CLSPN: variants seen among roughly 807,000 people sequenced by gnomAD.
CLSPN encodes the protein claspin homolog.
In CLSPN, 85 loss-of-function variants were observed where a neutral mutation model predicts 156.3. That is an observed-to-expected ratio of 0.54 (90% CI 0.46 to 0.65). The LOEUF (loss-of-function observed/expected upper bound fraction) is 0.65, where lower values mean the gene tolerates loss of function less well. CLSPN is among the 30% of genes least tolerant of loss of function. CLSPN has a pLI of 0.00. For synonymous variants in CLSPN, 534 were observed against 542.4 expected (o/e 0.98, Z 0.22); for missense variants, 1,407 against 1,554.9 (o/e 0.90, Z 1.60).
At position 35,738,142 on chromosome 1, in the gene CLSPN, A is replaced by T. The variant is rs555028326; in HGVS notation, c.3559-45T>A. ...TATATATATATATATATATATATAC[A>T]GCATTAAAAGTCTATAACCTTCCTA... On this transcript the variant is annotated intron_variant, in intron 21 of 24. Transcript: ENST00000318121. 22 of 721,514 alleles carry T rather than the reference A, an allele frequency of 3.0e-5. No individual in the cohort carries two copies. The African/African-American group carries it at 3.9e-4, about 13-fold the overall frequency. The allele number at this position is 721,514 out of a possible 1,614,324, so 44.7% of individuals were successfully genotyped here. A position where few individuals can be genotyped will look rare whatever the true frequency, so the allele number is the denominator to read the frequency against.
downstream of CLSPN, among the ~76,000 whole-genome samples, chr1:35,731,215 A>G (rs2148608890): frequency 6.7e-6 from 1 of 149,766 alleles, no homozygotes; most frequent in South Asian, 2.1e-4. Flanking sequence ...AAAAAAAAAG[A>G]AAGAAAGAAA....
intron 8 of CLSPN, 93 bp downstream of exon 8, chr1:35,760,249 T>C: frequency 1.0e-6 from 1 of 959,958 alleles, no homozygotes; most frequent in Non-Finnish European, 1.6e-6. Flanking sequence ...GGTTATTGGT[T>C]CCTCCTGTGT....
intron 2 of CLSPN, 91 bp downstream of exon 2, chr1:35,765,127 A>T (rs765625862): frequency 1.3e-6 from 1 of 773,654 alleles, no homozygotes; most frequent in Non-Finnish European, 2.2e-6. Context: ...TTAATAATGT[A>T]ATAAATCAAG....
chr1:35,760,044 G>C (rs565992775), intron 8 of CLSPN, among the ~76,000 whole-genome samples: 11 of 152,214 alleles, frequency 7.2e-5, no homozygotes, highest in African/African-American at 2.4e-4. Context: ...GTATTGGCCA[G>C]GCTAGTCTCA....
chr1:35,754,381 A>G (rs1388272203), intron 8 of CLSPN, among the ~76,000 whole-genome samples: 2 of 151,972 alleles, frequency 1.3e-5, no homozygotes, highest in African/African-American at 2.4e-5. Flanking sequence ...GTCTCACTCT[A>G]TTGCCCAGGC....
Position 35,743,491 on chromosome 1 carries a change from C to G in CLSPN, c.3006G>C (p.Arg1002=). The G allele has an allele frequency of 6.2e-7, 1 of 1,613,790 alleles. No individual in the cohort carries two copies. Among genetic ancestry groups the G allele is most frequent in the Non-Finnish European group, 8.5e-7 (1 of 1,179,778 alleles). The change falls in exon 17 of 25, where the codon CGG becomes CGC. Residue 1002 remains arginine, a synonymous_variant. Transcript: ENST00000318121. ...EDEEEEFGDF[R]LVSNDNEFDS... is the part of the protein sequence containing the mutation. ...CAAACTCATTATCATTTGAAACAAG[C>G]CGAAAGTCTCCAAATTCCTCCTCCT...
At chr1:35,740,776 C>T (rs1641663548) in intron 18 of CLSPN, among the ~76,000 whole-genome samples, 1 of 152,078 alleles carries the variant, frequency 6.6e-6, no homozygotes, top group Non-Finnish European at 1.5e-5. Context: ...TGGAAAATTC[C>T]TTCAGAGGCC....
At chr1:35,751,902 ATAAAT>A (rs1245102482) in intron 9 of CLSPN, among the ~76,000 whole-genome samples, 1 of 152,254 alleles carries the variant, frequency 6.6e-6, no homozygotes, top group East Asian at 1.9e-4. Flanking sequence ...TATATTGTTA[ATAAAT>A]TAAAAGTAAT....
In CLSPN at chr1:35,749,784, C is replaced by A. The variant is rs1164880483; in HGVS notation, c.2056G>T (p.Glu686Ter). ...TCTTTTTCATCTTTTGTTTCTATTT[C>A]TTCACTACTAAGAAGGAATTCTGCA... ...ETAEFLLSSE[E>*]IETKDEKEMD... Residue 686 changes from glutamate to a stop codon, truncating the protein, a stop_gained, in exon 11 of 25, where the codon GAA becomes TAA. Coordinates refer to ENST00000318121, the MANE Select transcript of CLSPN (RefSeq NM_022111.4). LOFTEE classifies it high-confidence loss of function. 3 of 1,613,968 alleles carry A rather than the reference C, an allele frequency of 1.9e-6. No homozygotes were observed. In the South Asian group the frequency reaches 3.3e-5, roughly 18 times the overall value.
Position 35,737,090 on chromosome 1 carries a change from G to A in CLSPN, c.3748-15C>T. The A allele has an allele frequency of 1.2e-6, 2 of 1,609,592 alleles. No individual in the cohort carries two copies. The highest frequency in any genetic ancestry group is 8.5e-7 in the Non-Finnish European group (1 of 1,177,930). On this transcript the variant is annotated splice_polypyrimidine_tract_variant and intron_variant, in intron 23 of 24. Transcript: ENST00000318121. ...CCTGTCTTCACCTGAGGAAAGAAGA[G>A]TCATCTGGTATCAAATCCCAAGTGC...
chr1:35,723,092 C>A (rs1343156988), intron 24 of CLSPN, among the ~76,000 whole-genome samples: 1 of 152,218 alleles, frequency 6.6e-6, no homozygotes, highest in Non-Finnish European at 1.5e-5. Flanking sequence ...TCCATGTCCA[C>A]AGGAAGACAA....
intron 24 of CLSPN, 98 bp downstream of exon 24, chr1:35,736,816 G>A (rs897914874): frequency 2.1e-6 from 3 of 1,399,394 alleles, no homozygotes; most frequent in African/African-American, 1.4e-5. Flanking sequence ...TTTCAACATT[G>A]CAGCATAGAG....
chr1:35,765,124 TG>T, intron 2 of CLSPN, 93 bp downstream of exon 2: 1 of 749,308 alleles, frequency 1.3e-6, no homozygotes, highest in Non-Finnish European at 2.3e-6. Flanking sequence ...GCATTAATAA[TG>T]TAATAAATCA....
chr1:35,725,826 C>T (rs1003726492), intron 24 of CLSPN, among the ~76,000 whole-genome samples: 3 of 152,088 alleles, frequency 2.0e-5, no homozygotes, highest in Non-Finnish European at 4.4e-5. Context: ...AGCTGCATCC[C>T]GCCCCTGAAC....
chr1:35,744,201 C>T (rs1314652122), intron 16 of CLSPN, among the ~76,000 whole-genome samples: 1 of 152,198 alleles, frequency 6.6e-6, no homozygotes, highest in Non-Finnish European at 1.5e-5. Flanking sequence ...CATTTGACTA[C>T]TCTAAGTATC....
At chr1:35,729,031 C>G (rs1438269714), downstream of CLSPN, among the ~76,000 whole-genome samples, 1 of 150,968 alleles carries the variant, frequency 6.6e-6, no homozygotes, top group Non-Finnish European at 1.5e-5. Context: ...TTGGAAAACC[C>G]AGATGATTTT....
At chr1:35,753,709 CA>C in intron 9 of CLSPN, 35 bp downstream of exon 9, 1 of 1,602,436 alleles carries the variant, frequency 6.2e-7, no homozygotes. Context: ...GAATACAAAG[CA>C]AAAAGCAAAA....
Position 35,746,730 on chromosome 1 carries a change from G to T in CLSPN, c.2854+36C>A, listed in dbSNP as rs761391380. On this transcript the variant is annotated intron_variant, in intron 15 of 24. Transcript: ENST00000318121. This position sits in a 1 kb window ranked among gnomAD's most constrained non-coding sequence, Gnocchi z 4.2. ...TCTTTTCAAGGGCACTGATACTTGG[G>T]TGTGGTAAGCTTGATACTCTCGGTT... is the stretch of plus-strand genomic sequence containing the variant. 5 of 1,394,348 alleles carry T rather than the reference G, an allele frequency of 3.6e-6. No homozygotes were observed. The highest frequency in any genetic ancestry group is 3.5e-5 in the South Asian group (3 of 86,460). 86.4% of individuals were successfully genotyped at this position (1,394,348 alleles called of 1,614,324 possible).
At chr1:35,765,358 A>T in intron 1 of CLSPN, 32 bp from the exon 2 acceptor site, 3 of 1,474,486 alleles carry the variant, frequency 2.0e-6, no homozygotes, top group Non-Finnish European at 2.8e-6. Context: ...TATATCAACC[A>T]GCAGGTGACC....
Sources: allele counts gnomAD v4.1 joint callset (sites outside exome capture counted in the v4.1 genomes callset), GRCh38; gene constraint gnomAD v4.1.1; non-coding constraint Gnocchi (gnomAD v3.1); transcripts MANE v1.5; gene names NCBI Gene and HGNC (gene_info 2026-07-23, HGNC 2026-07-21).